MIDEAS: variants seen among roughly 807,000 people sequenced by gnomAD.
The protein encoded by MIDEAS is mitotic deacetylase associated SANT domain protein, also known as mitotic deacetylase-associated SANT domain protein.
In MIDEAS, 26 loss-of-function variants were observed where a neutral mutation model predicts 102.7. The observed-to-expected ratio is 0.25, with a 90% CI of 0.19 to 0.35. MIDEAS has a LOEUF of 0.35. Among genes scored for constraint, MIDEAS ranks in the 10% least tolerant of loss-of-function variants. MIDEAS has a pLI of 1.00. For missense variants in MIDEAS, 1,231 were observed against 1,435.6 expected, an observed-to-expected ratio of 0.86 and a Z score of 2.30; for synonymous variants, 585 against 591.0, an observed-to-expected ratio of 0.99 and a Z score of 0.15.
rs764487854 is a variant in MIDEAS at position 73,739,075 on chromosome 14, G to C, written c.934C>G (p.Pro312Ala). The C allele has an allele frequency of 3.2e-6, 5 of 1,577,516 alleles. No homozygotes were observed. The highest frequency in any genetic ancestry group is 4.3e-6 in the Non-Finnish European group (5 of 1,158,780). The change falls in exon 2 of 13, where the codon CCC (proline) becomes GCC (alanine). Residue 312 changes from proline (P) to alanine (A), a missense_variant. This residue lies in a region of MIDEAS where 758 missense variants were observed against 856.0 expected (regional missense o/e 0.89). Coordinates refer to ENST00000423556, the MANE Select transcript of MIDEAS (RefSeq NM_001367710.1). ...AHHSMAPYPF[P>A]PNPDMNPELR... ...TCTGGGTTCATATCTGGGTTGGGGG[G>C]GAAGGGGTAGGGTGCCATGCTGTGG... is the stretch of plus-strand genomic sequence containing the variant.
Position 73,718,001 on chromosome 14 carries a change from G to A in MIDEAS, c.*842C>T, listed in dbSNP as rs1441677188. The A allele has an allele frequency of 6.6e-6, 1 of 152,326 alleles. No individual in the cohort carries two copies. The highest frequency in any genetic ancestry group is 1.9e-4 in the East Asian group (1 of 5,182). The allele number at this position is 152,326 out of a possible 1,614,324, so 9.4% of individuals were successfully genotyped here. ...GGCGAAGCGCCCTTGGCAGCCTCCA[G>A]GACCCAAAGGTATTCAGCCAAAAAG... On this transcript the variant is annotated 3_prime_UTR_variant, in exon 13 of 13. Coordinates refer to ENST00000423556, the MANE Select transcript of MIDEAS (RefSeq NM_001367710.1).
At chr14:73,737,328 A>G in intron 2 of MIDEAS, 31 bp from the exon 3 acceptor site, 1 of 1,592,072 alleles carries the variant, frequency 6.3e-7, no homozygotes, top group Non-Finnish European at 8.6e-7. Flanking sequence ...AGTGCAATTT[A>G]AAAGGTAAGT....
At chr14:73,784,012 C>T (rs12878166) in intron 1 of MIDEAS, among the ~76,000 whole-genome samples, 73,990 of 152,056 alleles carry the variant, frequency 0.49, 19,190 homozygotes, top group East Asian at 0.88. Flanking sequence ...TTGAAGACCA[C>T]CCTCTCCAGG....
In MIDEAS at chr14:73,774,992, C is replaced by T. The variant is rs1211681795; in HGVS notation, c.-248+12110G>A. ...ATCCTGCAGGGGGGAAGTTCAATTGCAGAAATGCCATGGTGGCAACTCAGG... is the reference window on the plus strand; with the variant it reads ...ATCCTGCAGGGGGGAAGTTCAATTGTAGAAATGCCATGGTGGCAACTCAGG... On this transcript the variant is annotated intron_variant, in intron 1 of 11. Transcript: ENST00000394071. Among the ~76,000 whole-genome samples, 10 of 152,054 alleles carry T rather than the reference C, an allele frequency of 6.6e-5. No individual in the cohort carries two copies. In the South Asian group the frequency reaches 2.1e-3, roughly 32 times the overall value.
intron 1 of MIDEAS, among the ~76,000 whole-genome samples, chr14:73,748,859 C>T (rs1434519714): frequency 6.6e-6 from 1 of 151,848 alleles, no homozygotes; most frequent in Admixed American, 6.6e-5. Flanking sequence ...ACAAAGTGTC[C>T]GTCCCTCAGG....
chr14:73,749,989 G>A (rs2053401512), intron 1 of MIDEAS, among the ~76,000 whole-genome samples: 1 of 152,200 alleles, frequency 6.6e-6, no homozygotes, highest in African/African-American at 2.4e-5. Context: ...CTTTGGGATT[G>A]CAACAGCTTG....
upstream of MIDEAS, among the ~76,000 whole-genome samples, chr14:73,760,465 C>T (rs937324985): frequency 6.6e-6 from 1 of 152,254 alleles, no homozygotes; most frequent in Non-Finnish European, 1.5e-5. This position sits in a 1 kb window ranked among gnomAD's most constrained non-coding sequence, Gnocchi z 4.8. Context: ...CCCCATCCCC[C>T]GCCCAGGCTG....
chr14:73,762,092 C>T (rs2053559445), upstream of MIDEAS, among the ~76,000 whole-genome samples: 2 of 152,252 alleles, frequency 1.3e-5, no homozygotes, highest in African/African-American at 2.4e-5. Flanking sequence ...CCAGTGCCCA[C>T]TGCTGCCAAG....
rs1056887338 is a variant in MIDEAS, at chr14:73,739,211, G to T, written c.798C>A (p.Pro266=). The T allele has an allele frequency of 2.0e-5, 32 of 1,613,532 alleles. No individual in the cohort carries two copies. Among genetic ancestry groups the T allele is most frequent in the Non-Finnish European group, 2.7e-5 (32 of 1,179,954 alleles). The change falls in exon 2 of 13, where the codon CCC becomes CCA. Residue 266 remains proline, a synonymous_variant. Coordinates refer to ENST00000423556, the MANE Select transcript of MIDEAS (RefSeq NM_001367710.1). ...QQQQQQQAAL[P]QMPLFENFYS... is the part of the protein sequence containing the mutation. Reference sequence around the variant, plus strand: ...AGAAGTTCTCAAAGAGCGGCATCTGGGGTAGGGCTGCCTGCTGCTGCTGCT... The same window carrying T: ...AGAAGTTCTCAAAGAGCGGCATCTGTGGTAGGGCTGCCTGCTGCTGCTGCT...
chr14:73,772,837 T>TTTG (rs71112802), intron 1 of MIDEAS, among the ~76,000 whole-genome samples: 3 of 99,560 alleles, frequency 3.0e-5, no homozygotes, highest in African/African-American at 5.6e-5. Context: ...GTGTGTGTAT[T>TTTG]TTGTTGTTGT....
rs1342574020 is a variant in MIDEAS at position 73,742,432 on chromosome 14, G to A, written c.-247-2177C>T. Among the ~76,000 whole-genome samples the A allele has an allele frequency of 1.3e-5, 2 of 152,242 alleles. No individual in the cohort carries two copies. Among genetic ancestry groups the A allele is most frequent in the Admixed American group, 6.5e-5 (1 of 15,288 alleles). On this transcript the variant is annotated intron_variant, in intron 1 of 12. Coordinates refer to ENST00000423556, the MANE Select transcript of MIDEAS (RefSeq NM_001367710.1). The surrounding 1 kb of genome is among the most constrained non-coding windows in gnomAD (Gnocchi z 4.4). The stretch of plus-strand genomic sequence containing the variant: ...ATGGCTGCTCAGAAGGAGATGAGGC[G>A]GGGCCTGCGGCTCCAGGACAAGCCT...
rs2053388773 is a variant in MIDEAS, at chr14:73,749,034, G to C, written c.-247-8779C>G. 4.6e-5 allele frequency among the ~76,000 whole-genome samples: 7 copies of C among 152,158 alleles called. 1 individual carries two copies. The Middle Eastern group carries it at 0.02, about 444-fold the overall frequency. On this transcript the variant is annotated intron_variant, in intron 1 of 12. Transcript: ENST00000423556. ...TTATTTTATACATACACATGAGAGA[G>C]AGAAAACACTCTACTTTCAACAACG...
chr14:73,739,825 C>T lies in MIDEAS; in HGVS notation c.184G>A (p.Val62Met), dbSNP rs749626862. ...AGGCTGCTAGGAGGGGGCAGTTCCA[C>T]AGGCTGAGAGGTGGAGACTGCCCCT... The part of the protein sequence containing the change: ...PGGAVSTSQP[V>M]ELPPPSSLAL... Residue 62 changes from valine (V) to methionine (M), a missense_variant, in exon 2 of 13, where the codon GTG becomes ATG. Coordinates refer to ENST00000423556, the MANE Select transcript of MIDEAS (RefSeq NM_001367710.1). 3 of 1,611,606 alleles carry T rather than the reference C, an allele frequency of 1.9e-6. No individual in the cohort carries two copies. Among genetic ancestry groups the T allele is most frequent in the Non-Finnish European group, 2.5e-6 (3 of 1,178,548 alleles).
rs2140089182 is a variant in MIDEAS, at chr14:73,718,316, G to A, written c.*527C>T. 6.6e-6 allele frequency: 1 copy of A among 152,650 alleles called. No individual in the cohort carries two copies. The highest frequency in any genetic ancestry group is 2.1e-4 in the South Asian group (1 of 4,836). The allele number at this position is 152,650 out of a possible 1,614,324, so 9.5% of individuals were successfully genotyped here. On this transcript the variant is annotated 3_prime_UTR_variant, in exon 13 of 13. Coordinates refer to ENST00000423556, the MANE Select transcript of MIDEAS (RefSeq NM_001367710.1). ...GACTGCAGGGACAGCACAGGTGTCA[G>A]GCTGCGCCCCTTCTCAGAGAAGCCC...
intron 1 of MIDEAS, among the ~76,000 whole-genome samples, chr14:73,756,299 CGCGCGCGT>C (rs1326454735): frequency 7.1e-5 from 5 of 70,918 alleles, no homozygotes; most frequent in African/African-American, 2.4e-4. Flanking sequence ...TGTGTGTGCG[CGCGCGCGT>C]GCGCGCTGAG....
chr14:73,723,975 A>C (rs2053029238), intron 9 of MIDEAS: 1 of 152,338 alleles, frequency 6.6e-6, no homozygotes, highest in South Asian at 2.1e-4. Context: ...CCTGAGGAGG[A>C]AGCGAAAGGC....
chr14:73,776,564 G>A (rs1449834687), intron 1 of MIDEAS, among the ~76,000 whole-genome samples: 1 of 149,588 alleles, frequency 6.7e-6, no homozygotes, highest in Admixed American at 6.6e-5. Context: ...GATGTTTTCA[G>A]TGGCCCAAGA....
chr14:73,772,718 T>C (rs1390616206), intron 1 of MIDEAS, among the ~76,000 whole-genome samples: 1 of 152,124 alleles, frequency 6.6e-6, no homozygotes, highest in Non-Finnish European at 1.5e-5. Context: ...AATTAATAAA[T>C]TCTTTATTCT....
chr14:73,719,205 A>G, intron 12 of MIDEAS, 100 bp downstream of exon 12: 2 of 1,506,738 alleles, frequency 1.3e-6, no homozygotes, highest in Non-Finnish European at 1.8e-6. Context: ...AACGAGGCGG[A>G]CACCGCCTGT....
Sources: allele counts gnomAD v4.1 joint callset (sites outside exome capture counted in the v4.1 genomes callset), GRCh38; gene constraint gnomAD v4.1.1; regional missense constraint gnomAD v4.1.1; non-coding constraint Gnocchi (gnomAD v3.1); transcripts MANE v1.5; gene names NCBI Gene and HGNC (gene_info 2026-07-23, HGNC 2026-07-21).